RPTOR: variants seen among roughly 807,000 people sequenced by gnomAD.
RPTOR encodes regulatory associated protein of MTOR complex 1.
RPTOR carries 21 observed loss-of-function variants against 169.9 expected under a neutral mutation model. That is an observed-to-expected ratio of 0.12 (90% CI 0.09 to 0.18). The LOEUF is 0.18. RPTOR is among the 10% of genes least tolerant of loss of function. RPTOR has a pLI of 1.00. For synonymous variants in RPTOR, 732 were observed against 753.2 expected, an observed-to-expected ratio of 0.97 and a Z score of 0.46; for missense variants, 1,133 against 1,855.9, an observed-to-expected ratio of 0.61 and a Z score of 7.16.
At chr17:80,940,443 G>A in intron 24 of RPTOR, 53 bp from the exon 25 acceptor site, 1 of 1,508,186 alleles carries the variant, frequency 6.6e-7, no homozygotes, top group Non-Finnish European at 9.1e-7. Context: ...TTGATACCAA[G>A]AGACAACCCT....
chr17:80,647,578 T>C (rs971806103), intron 3 of RPTOR, among the ~76,000 whole-genome samples: 1 of 150,132 alleles, frequency 6.7e-6, no homozygotes, highest in East Asian at 1.9e-4. Context: ...CACACCTCTT[T>C]ACTTGGGGTG....
chr17:80,769,867 G>A (rs944180165), intron 6 of RPTOR, among the ~76,000 whole-genome samples: 24 of 152,176 alleles, frequency 1.6e-4, no homozygotes, highest in African/African-American at 5.3e-4. Context: ...CATGAAGCTC[G>A]AGCTGGAATT....
At chr17:80,610,278 T>C (rs2065260656) in intron 1 of RPTOR, among the ~76,000 whole-genome samples, 1 of 152,166 alleles carries the variant, frequency 6.6e-6, no homozygotes, top group Non-Finnish European at 1.5e-5. Context: ...CTGTTCCTGG[T>C]ACATGCAGCA....
chr17:80,893,477 G>A (rs1401435953), intron 19 of RPTOR, among the ~76,000 whole-genome samples: 14 of 86,180 alleles, frequency 1.6e-4, no homozygotes, highest in East Asian at 6.9e-4. Flanking sequence ...GTGTCTGTAC[G>A]CGCCAGGGTG....
intron 6 of RPTOR, among the ~76,000 whole-genome samples, chr17:80,769,666 C>T (rs1452483891): frequency 6.6e-6 from 1 of 152,160 alleles, no homozygotes; most frequent in Non-Finnish European, 1.5e-5. Context: ...GGCATCACTG[C>T]TGTTGGGGTG....
intron 10 of RPTOR, among the ~76,000 whole-genome samples, chr17:80,843,404 G>A (rs1567944614): frequency 6.8e-6 from 1 of 147,288 alleles, no homozygotes; most frequent in Non-Finnish European, 1.5e-5. Context: ...CTGGGCAACA[G>A]AGTGAGACTC....
chr17:80,771,327 C>G lies in RPTOR; in HGVS notation c.830+17142C>G, dbSNP rs183602312. Among the ~76,000 whole-genome samples the G allele has an allele frequency of 2.4e-4, 36 of 152,348 alleles. No homozygotes were observed. In the East Asian group the frequency reaches 6.6e-3, roughly 28 times the overall value. On this transcript the variant is annotated intron_variant, in intron 6 of 33. Transcript: ENST00000306801. Reference sequence around the variant, plus strand: ...GATAATCCCTCCTTCCTCACGCTCTCCCTCTGCCAGCGCTTTCCTCGTCAT... The same window carrying G: ...GATAATCCCTCCTTCCTCACGCTCTGCCTCTGCCAGCGCTTTCCTCGTCAT...
At chr17:80,828,216 C>T (rs946655207) in intron 9 of RPTOR, among the ~76,000 whole-genome samples, 1 of 152,146 alleles carries the variant, frequency 6.6e-6, no homozygotes, top group South Asian at 2.1e-4. Flanking sequence ...CAGGCAGAGA[C>T]GAGCAGGGAG....
intron 2 of RPTOR, 35 bp downstream of exon 2, chr17:80,625,828 C>T (rs757727198): frequency 7.4e-6 from 11 of 1,477,380 alleles, no homozygotes; most frequent in East Asian, 2.3e-5. Flanking sequence ...GCCACAAAGG[C>T]CGTCTGGCCG....
intron 3 of RPTOR, among the ~76,000 whole-genome samples, chr17:80,648,876 A>G (rs1213155464): frequency 6.6e-6 from 1 of 152,146 alleles, no homozygotes; most frequent in Non-Finnish European, 1.5e-5. Flanking sequence ...TGTTGTCCGT[A>G]GTGAACAAGT....
Position 80,708,090 on chromosome 17 carries a change from G to A in RPTOR, c.507+91G>A. On this transcript the variant is annotated intron_variant, in intron 4 of 33. Coordinates refer to ENST00000306801, the MANE Select transcript of RPTOR (RefSeq NM_020761.3). The surrounding 1 kb of genome is among the most constrained non-coding windows in gnomAD (Gnocchi z 4.2). ...CAGGTCCTGCCCATCCGTAGCTTCT[G>A]TTAAGCCATTGATGTTTACTGTGTT... 1 of 1,290,054 alleles carries A rather than the reference G, an allele frequency of 7.8e-7. No individual in the cohort carries two copies. The highest frequency in any genetic ancestry group is 1.1e-6 in the Non-Finnish European group (1 of 936,584). The allele number at this position is 1,290,054 out of a possible 1,614,324, so 79.9% of individuals were successfully genotyped here. A position where few individuals can be genotyped will look rare whatever the true frequency, so the allele number is the denominator to read the frequency against.
At chr17:80,906,687 G>T (rs2068546674) in intron 20 of RPTOR, among the ~76,000 whole-genome samples, 2 of 152,174 alleles carry the variant, frequency 1.3e-5, no homozygotes, top group Admixed American at 6.5e-5. Flanking sequence ...CCCAGAAAAG[G>T]TCCCAGCCTC....
chr17:80,920,364 TG>T (rs565569808), intron 21 of RPTOR, among the ~76,000 whole-genome samples: 14 of 151,130 alleles, frequency 9.3e-5, no homozygotes, highest in South Asian at 4.2e-4. Context: ...CTAATGGGGG[TG>T]GGGGGGGCTC....
At chr17:80,962,854 G>C (rs2144104611) in intron 32 of RPTOR, 74 bp from the exon 33 acceptor site, 1 of 1,598,230 alleles carries the variant, frequency 6.3e-7, no homozygotes, top group Non-Finnish European at 8.5e-7. Context: ...TGTCCCCGCG[G>C]TCTCGGCATC....
chr17:80,914,692 C>A (rs1284106410), intron 21 of RPTOR, among the ~76,000 whole-genome samples: 1 of 152,226 alleles, frequency 6.6e-6, no homozygotes, highest in East Asian at 1.9e-4. Context: ...TATGTCAGCC[C>A]CCTCTGGACT....
chr17:80,693,206 G>T (rs1201191596), intron 3 of RPTOR, among the ~76,000 whole-genome samples: 1 of 152,208 alleles, frequency 6.6e-6, no homozygotes, highest in South Asian at 2.1e-4. Context: ...CTCATGTGCT[G>T]TGCGGACAGT....
chr17:80,740,463 C>CA (rs796753770), intron 5 of RPTOR, among the ~76,000 whole-genome samples: 2 of 151,486 alleles, frequency 1.3e-5, no homozygotes, highest in African/African-American at 2.4e-5. Flanking sequence ...ACACACCGTT[C>CA]AAAAAAAATA....
intron 5 of RPTOR, among the ~76,000 whole-genome samples, chr17:80,738,186 G>A (rs2066450888): frequency 6.6e-6 from 1 of 152,234 alleles, no homozygotes; most frequent in Non-Finnish European, 1.5e-5. Flanking sequence ...GGCAGCAGGA[G>A]ATGCCCAGCC....
chr17:80,923,817 T>G (rs1368319575), intron 23 of RPTOR, 144 bp downstream of exon 23: 2 of 918,140 alleles, frequency 2.2e-6, no homozygotes, highest in South Asian at 3.5e-5. Flanking sequence ...TGGGCCACTC[T>G]CTGCCTTTGC....
Sources: gnomAD v4.1 joint callset for allele counts (sites outside exome capture counted in the v4.1 genomes callset) on GRCh38, gnomAD v4.1.1 for gene constraint, Gnocchi (gnomAD v3.1) non-coding constraint, MANE v1.5 for transcripts, NCBI Gene and HGNC (gene_info 2026-07-23, HGNC 2026-07-21) for gene names.